The following ARHGAP15 variants were observed in gnomAD, a reference collection of about 807,000 sequenced individuals.
The protein encoded by ARHGAP15 is Rho GTPase activating protein 15, also known as rho GTPase-activating protein 15.
ARHGAP15 carries 51 observed loss-of-function variants against 63.7 expected under a neutral mutation model. That is an observed-to-expected ratio of 0.80 (90% CI 0.64 to 1.01). ARHGAP15 has a LOEUF of 1.01. Ranked by LOEUF, ARHGAP15 falls within the 50% of genes least tolerant of loss-of-function variation. The probability of loss-of-function intolerance (pLI) is 0.00; values close to 1 mark genes in which losing one functional copy is unlikely to be tolerated. For missense variants in ARHGAP15, 560 were observed against 564.6 expected (o/e 0.99, Z 0.08); for synonymous variants, 191 against 193.8 (o/e 0.99, Z 0.12).
intron 8 of ARHGAP15, among the ~76,000 whole-genome samples, chr2:143,444,299 A>G (rs958902918): frequency 6.6e-6 from 1 of 151,832 alleles, no homozygotes; most frequent in Non-Finnish European, 1.5e-5. Context: ...TAAACAAAAG[A>G]AAAAAAAAGA....
intron 6 of ARHGAP15, among the ~76,000 whole-genome samples, chr2:143,355,899 T>A (rs966046209): frequency 1.3e-5 from 2 of 152,136 alleles, no homozygotes; most frequent in Non-Finnish European, 2.9e-5. Context: ...ATGATGGGTC[T>A]CCAACAATGC....
chr2:143,744,656 T>C (rs1686092603), intron 13 of ARHGAP15, among the ~76,000 whole-genome samples: 1 of 152,226 alleles, frequency 6.6e-6, no homozygotes, highest in African/African-American at 2.4e-5. Context: ...AGCATCCTTG[T>C]ACATCTCCCC....
At chr2:143,247,117 G>A (rs528086074) in intron 5 of ARHGAP15, among the ~76,000 whole-genome samples, 4 of 152,298 alleles carry the variant, frequency 2.6e-5, no homozygotes, top group South Asian at 2.1e-4. Context: ...CTGGAGATTC[G>A]TTCCTTGTCC....
At chr2:143,458,856 G>A (rs1004319630) in intron 8 of ARHGAP15, among the ~76,000 whole-genome samples, 1 of 152,146 alleles carries the variant, frequency 6.6e-6, no homozygotes, top group Non-Finnish European at 1.5e-5. Flanking sequence ...ATCAGCTTGA[G>A]GTAATATATG....
chr2:143,469,510 G>T (rs1478676942), intron 8 of ARHGAP15, among the ~76,000 whole-genome samples: 1 of 152,176 alleles, frequency 6.6e-6, no homozygotes, highest in Non-Finnish European at 1.5e-5. Context: ...GCTCCAGTGG[G>T]CCAGTTCTTT....
At chr2:143,685,893 A>G (rs961164642) in intron 12 of ARHGAP15, among the ~76,000 whole-genome samples, 2 of 152,178 alleles carry the variant, frequency 1.3e-5, no homozygotes, top group African/African-American at 4.8e-5. Context: ...TATTCAAATG[A>G]TATAATAAAC....
chr2:143,240,077 G>A (rs1452725921), intron 5 of ARHGAP15, among the ~76,000 whole-genome samples: 4 of 148,264 alleles, frequency 2.7e-5, no homozygotes, highest in Admixed American at 6.7e-5. Flanking sequence ...GTAGGAGGTC[G>A]AAGCAGGAGG....
chr2:143,552,859 A>G (rs934812031), intron 10 of ARHGAP15, among the ~76,000 whole-genome samples: 9 of 152,212 alleles, frequency 5.9e-5, no homozygotes, highest in Admixed American at 4.6e-4. Context: ...TGAAAGAGGT[A>G]CCTCTCAAAG....
chr2:143,451,084 A>G (rs968261548), intron 8 of ARHGAP15, among the ~76,000 whole-genome samples: 1 of 151,946 alleles, frequency 6.6e-6, no homozygotes, highest in Non-Finnish European at 1.5e-5. Context: ...GGTATAAAAG[A>G]CCTGGATAAA....
At chr2:143,684,847 A>G (rs1415206500) in intron 12 of ARHGAP15, among the ~76,000 whole-genome samples, 1 of 152,198 alleles carries the variant, frequency 6.6e-6, no homozygotes, top group Non-Finnish European at 1.5e-5. Context: ...CTTGTTGAGG[A>G]TTTTGGCTGA....
intron 12 of ARHGAP15, among the ~76,000 whole-genome samples, chr2:143,691,184 G>C (rs147754554): frequency 6.6e-6 from 1 of 152,154 alleles, no homozygotes; most frequent in African/African-American, 2.4e-5. Context: ...GTATGGCACT[G>C]TTAGGAGGAA....
chr2:143,285,961 CA>C (rs1287766489), intron 6 of ARHGAP15, among the ~76,000 whole-genome samples: 4 of 152,060 alleles, frequency 2.6e-5, no homozygotes. Flanking sequence ...TTGACTTTAG[CA>C]AAAACTTAAA....
intron 6 of ARHGAP15, among the ~76,000 whole-genome samples, chr2:143,340,141 C>T (rs1239546953): frequency 2.6e-5 from 4 of 152,084 alleles, no homozygotes; most frequent in African/African-American, 7.2e-5. Context: ...AAGAGAGGGA[C>T]ATTTTGTCGT....
intron 4 of ARHGAP15, 101 bp downstream of exon 4, chr2:143,216,546 C>T (rs1692764773): frequency 5.2e-6 from 4 of 764,012 alleles, no homozygotes; most frequent in Non-Finnish European, 2.2e-6. Flanking sequence ...CCTATGGTAC[C>T]AGACTAGAAC....
intron 8 of ARHGAP15, among the ~76,000 whole-genome samples, chr2:143,445,162 T>A (rs1331441830): frequency 2.2e-4 from 29 of 129,306 alleles, no homozygotes; most frequent in African/African-American, 7.8e-4. Flanking sequence ...TATTTTTTTT[T>A]TTTTTTTTTT....
At chr2:143,701,598 G>A (rs973303450) in intron 12 of ARHGAP15, among the ~76,000 whole-genome samples, 4 of 152,132 alleles carry the variant, frequency 2.6e-5, no homozygotes, top group African/African-American at 7.2e-5. Flanking sequence ...GGGCATGGTG[G>A]CATGCACCCG....
intron 6 of ARHGAP15, among the ~76,000 whole-genome samples, chr2:143,387,151 C>CT (rs1392549422): frequency 6.6e-6 from 1 of 151,746 alleles, no homozygotes; most frequent in Admixed American, 6.6e-5. Flanking sequence ...TGAACCTAAA[C>CT]TAAAAGTTAA....
intron 2 of ARHGAP15, among the ~76,000 whole-genome samples, chr2:143,186,585 A>G (rs1376291108): frequency 6.6e-6 from 1 of 152,280 alleles, no homozygotes; most frequent in Non-Finnish European, 1.5e-5. Flanking sequence ...CTGTTAGTCT[A>G]TCTTCAAAAC....
intron 13 of ARHGAP15, among the ~76,000 whole-genome samples, chr2:143,711,908 A>T (rs1684597283): frequency 6.6e-6 from 1 of 152,212 alleles, no homozygotes; most frequent in South Asian, 2.1e-4. Context: ...CTAGGCAACA[A>T]AGCAAGATCG....
Sources: gnomAD v4.1 joint callset for allele counts (sites outside exome capture counted in the v4.1 genomes callset) on GRCh38, gnomAD v4.1.1 for gene constraint, MANE v1.5 for transcripts, NCBI Gene and HGNC (gene_info 2026-07-23, HGNC 2026-07-21) for gene names.